PCLO: variants seen among roughly 807,000 people sequenced by gnomAD.
The protein encoded by PCLO is protein piccolo.
Under a neutral mutation model 427.5 loss-of-function variants are expected in PCLO, and 82 were observed. The ratio of observed to expected loss-of-function variants is 0.19; its 90% CI spans 0.16 to 0.23. PCLO has a LOEUF of 0.23. Among genes scored for constraint, PCLO ranks in the 10% least tolerant of loss-of-function variants. The pLI is 1.00. For missense variants in PCLO, 6,239 were observed against 6,115.9 expected (o/e 1.02, Z -0.67); for synonymous variants, 2,357 against 2,155.4 (o/e 1.09, Z -2.59).
chr7:83,026,538 C>T (rs1255112892), intron 3 of PCLO, among the ~76,000 whole-genome samples: 2 of 151,606 alleles, frequency 1.3e-5, no homozygotes, highest in Non-Finnish European at 3.0e-5. Flanking sequence ...CAACATTAGA[C>T]AGATCAACGA....
At chr7:82,917,810 A>C (rs1028779900) in intron 6 of PCLO, among the ~76,000 whole-genome samples, 1 of 151,950 alleles carries the variant, frequency 6.6e-6, no homozygotes, top group Admixed American at 6.6e-5. Flanking sequence ...AATTTTCCCC[A>C]GTCACCAAAT....
intron 3 of PCLO, among the ~76,000 whole-genome samples, chr7:83,087,363 G>A (rs1790263896): frequency 6.6e-6 from 1 of 151,940 alleles, no homozygotes; most frequent in Non-Finnish European, 1.5e-5. Context: ...GTACACTACT[G>A]GGGTAATGGG....
intron 3 of PCLO, among the ~76,000 whole-genome samples, chr7:83,104,843 CTTGGGCACTGCCCTCAG>C (rs1228940536): frequency 1.3e-5 from 2 of 152,098 alleles, no homozygotes; most frequent in African/African-American, 4.8e-5. Flanking sequence ...TCTTCTAAGT[CTTGGGCACTGCCCTCAG>C]CCTTCTCAGT....
At chr7:83,005,367 C>T (rs1286023111) in intron 3 of PCLO, among the ~76,000 whole-genome samples, 4 of 151,452 alleles carry the variant, frequency 2.6e-5, no homozygotes, top group Non-Finnish European at 5.9e-5. Context: ...CTAAAGAAGT[C>T]GAACTCACAG....
At chr7:83,052,902 A>C (rs1483686032) in intron 3 of PCLO, among the ~76,000 whole-genome samples, 2 of 151,968 alleles carry the variant, frequency 1.3e-5, no homozygotes, top group African/African-American at 4.8e-5. Context: ...ATAATCCTCC[A>C]AATTGAAGTC....
intron 22 of PCLO, among the ~76,000 whole-genome samples, chr7:82,797,650 A>G (rs1412009341): frequency 6.6e-6 from 1 of 152,160 alleles, no homozygotes; most frequent in Non-Finnish European, 1.5e-5. Context: ...CTGTATGCCA[A>G]ATACAACACT....
chr7:83,073,386 T>C (rs1789867477), intron 3 of PCLO, among the ~76,000 whole-genome samples: 1 of 152,032 alleles, frequency 6.6e-6, no homozygotes, highest in Non-Finnish European at 1.5e-5. Flanking sequence ...CCAAATACTG[T>C]GCTAGATGTT....
At chr7:83,012,656 C>G (rs1037497538) in intron 3 of PCLO, among the ~76,000 whole-genome samples, 1 of 145,298 alleles carries the variant, frequency 6.9e-6, no homozygotes, top group Non-Finnish European at 1.5e-5. Flanking sequence ...GCCAGAAGCC[C>G]AGATTTTTAT....
chr7:83,150,939 G>C (rs1022237259), intron 2 of PCLO, among the ~76,000 whole-genome samples: 1 of 152,174 alleles, frequency 6.6e-6, no homozygotes, highest in Non-Finnish European at 1.5e-5. Context: ...GGAAGATGCA[G>C]ATTTACTTTT....
rs543232153 is a variant in PCLO at position 82,971,629 on chromosome 7, A to G, written c.3301-5142T>C. The stretch of plus-strand genomic sequence containing the variant: ...GATATATGATATCGTATAGATATAT[A>G]TGATAAAATTTCATTTTAAGGTGCT... On this transcript the variant is annotated intron_variant, in intron 3 of 24. Coordinates refer to ENST00000333891, the MANE Select transcript of PCLO (RefSeq NM_033026.6). Among the ~76,000 whole-genome samples, 20 of 147,814 alleles carry G rather than the reference A, an allele frequency of 1.4e-4. No individual in the cohort carries two copies. In the South Asian group the frequency reaches 4.2e-3, roughly 31 times the overall value.
chr7:82,812,788 C>T (rs1473032756), intron 20 of PCLO, among the ~76,000 whole-genome samples: 2 of 151,310 alleles, frequency 1.3e-5, no homozygotes, highest in Admixed American at 6.6e-5. Context: ...TTTTCATGGG[C>T]GATTTTTAAT....
chr7:83,006,418 T>C (rs1194118746), intron 3 of PCLO, among the ~76,000 whole-genome samples: 1 of 151,574 alleles, frequency 6.6e-6, no homozygotes, highest in African/African-American at 2.4e-5. Context: ...AATAATTTAT[T>C]TTTATGGATT....
At chr7:82,971,408 A>ATG (rs927691405) in intron 3 of PCLO, among the ~76,000 whole-genome samples, 8 of 150,806 alleles carry the variant, frequency 5.3e-5, no homozygotes, top group African/African-American at 9.7e-5. Context: ...TTTTATGTGT[A>ATG]TGTGTGTGTG....
intron 3 of PCLO, among the ~76,000 whole-genome samples, chr7:83,056,693 C>T (rs1024108386): frequency 6.6e-6 from 1 of 152,140 alleles, no homozygotes; most frequent in African/African-American, 2.4e-5. Context: ...TTTAGCACCA[C>T]AGAGATTAAG....
chr7:83,162,800 C>A lies in PCLO; in HGVS notation c.-208G>T, dbSNP rs1164908463. 4.8e-6 allele frequency: 3 copies of A among 622,866 alleles called. No individual in the cohort carries two copies. The highest frequency in any genetic ancestry group is 8.1e-6 in the Non-Finnish European group (3 of 371,638). 38.6% of individuals were successfully genotyped at this position (622,866 alleles called of 1,614,324 possible). On this transcript the variant is annotated 5_prime_UTR_variant, in exon 1 of 25. An upstream open reading frame in the 5' UTR gains an earlier in-frame stop. Coordinates refer to ENST00000333891, the MANE Select transcript of PCLO (RefSeq NM_033026.6). ...GTAACGCCCGCTGCCGGTGCCTCCT[C>A]CATGTTGGACAGCGCCAGGCAACCT... is the stretch of plus-strand genomic sequence containing the variant.
At chr7:82,964,389 T>G (rs893033442) in intron 4 of PCLO, among the ~76,000 whole-genome samples, 3 of 152,038 alleles carry the variant, frequency 2.0e-5, no homozygotes, top group African/African-American at 4.8e-5. Context: ...AGAGAGGCTT[T>G]GAAGTAGAAC....
chr7:82,887,107 T>C (rs1196514076), intron 9 of PCLO, among the ~76,000 whole-genome samples: 1 of 152,190 alleles, frequency 6.6e-6, no homozygotes, highest in East Asian at 1.9e-4. Flanking sequence ...GTAGCTTTTT[T>C]TGCGTTGCCT....
At chr7:83,098,795 C>T (rs1790660175) in intron 3 of PCLO, among the ~76,000 whole-genome samples, 3 of 152,036 alleles carry the variant, frequency 2.0e-5, no homozygotes, top group African/African-American at 7.2e-5. Context: ...TCCTTTGTTG[C>T]TGACTTGGTG....
chr7:82,953,486 C>A lies in PCLO; in HGVS notation c.7467G>T (p.Lys2489Asn). Reference sequence around the variant, plus strand: ...CAAGTCCAGATGGAATTGAAGATGGCTTAGGAGGAACAGGAGGAGGTGCAG... The same window carrying A: ...CAAGTCCAGATGGAATTGAAGATGGATTAGGAGGAACAGGAGGAGGTGCAG... ...CTTAPPPVPP[K>N]PSSIPSGLVF... The change falls in exon 5 of 25, where the codon AAG (lysine) becomes AAT (asparagine). Residue 2489 changes from lysine to asparagine, a missense_variant. Coordinates refer to ENST00000333891, the MANE Select transcript of PCLO (RefSeq NM_033026.6). 1 of 1,613,264 alleles carries A rather than the reference C, an allele frequency of 6.2e-7. No homozygotes were observed. The highest frequency in any genetic ancestry group is 8.5e-7 in the Non-Finnish European group (1 of 1,179,784).
Sources: gnomAD v4.1 joint callset for allele counts (sites outside exome capture counted in the v4.1 genomes callset) on GRCh38, gnomAD v4.1.1 for gene constraint, MANE v1.5 for transcripts, NCBI Gene and HGNC (gene_info 2026-07-23, HGNC 2026-07-21) for gene names.